SSBP2: variants seen among roughly 807,000 people sequenced by gnomAD.
The protein encoded by SSBP2 is single stranded DNA binding protein 2, also known as single-stranded DNA-binding protein 2.
SSBP2 carries 17 observed loss-of-function variants against 61.8 expected under a neutral mutation model. That is an observed-to-expected ratio of 0.28 (90% CI 0.19 to 0.41). The LOEUF is 0.41. SSBP2 is among the 10% of genes least tolerant of loss of function. The pLI is 1.00. For synonymous variants in SSBP2, 139 were observed against 141.3 expected (o/e 0.98, Z 0.12); for missense variants, 310 against 458.7 (o/e 0.68, Z 2.96).
intron 12 of SSBP2, among the ~76,000 whole-genome samples, chr5:81,445,136 T>A (rs1186840320): frequency 1.1e-3 from 12 of 10,900 alleles, no homozygotes; most frequent in Middle Eastern, 0.056. Context: ...AAAAAAAAAA[T>A]TTTATATATA....
chr5:81,702,702 G>C (rs1754078278), intron 1 of SSBP2, among the ~76,000 whole-genome samples: 1 of 152,160 alleles, frequency 6.6e-6, no homozygotes, highest in Non-Finnish European at 1.5e-5. Flanking sequence ...CCAAATGCCA[G>C]TTTAAACTGG....
chr5:81,723,955 C>T (rs567539239), intron 1 of SSBP2, among the ~76,000 whole-genome samples: 24 of 152,020 alleles, frequency 1.6e-4, no homozygotes, highest in African/African-American at 5.8e-4. Context: ...GTGCCACTTG[C>T]GCTACCACTA....
rs541247935 is a variant in SSBP2 at position 81,726,601 on chromosome 5, A to T, written c.62+24380T>A. 2.6e-5 allele frequency among the ~76,000 whole-genome samples: 4 copies of T among 152,284 alleles called. No homozygotes were observed. In the East Asian group the frequency reaches 7.7e-4, roughly 29 times the overall value. Reference sequence around the variant, plus strand: ...TCCCACAATGACACTGCTCTTAGCAACCACAGAGAAAATTAAATTCTATAT... The same window carrying T: ...TCCCACAATGACACTGCTCTTAGCATCCACAGAGAAAATTAAATTCTATAT... On this transcript the variant is annotated intron_variant, in intron 1 of 16. Coordinates refer to ENST00000320672, the MANE Select transcript of SSBP2 (RefSeq NM_012446.5).
chr5:81,617,079 G>C, intron 3 of SSBP2, among the ~76,000 whole-genome samples: 1 of 87,160 alleles, frequency 1.1e-5, no homozygotes, highest in East Asian at 3.3e-4. Context: ...TTCCTCACCA[G>C]CAACAGAACA....
intron 1 of SSBP2, among the ~76,000 whole-genome samples, chr5:81,749,043 T>G (rs1315991733): frequency 6.6e-6 from 1 of 151,978 alleles, no homozygotes; most frequent in Non-Finnish European, 1.5e-5. Flanking sequence ...TCAATACATT[T>G]CAATCACTCT....
At chr5:81,500,662 T>C (rs1767638534) in intron 5 of SSBP2, among the ~76,000 whole-genome samples, 3 of 152,056 alleles carry the variant, frequency 2.0e-5, no homozygotes, top group African/African-American at 7.2e-5. Context: ...GATTTCACCA[T>C]GTTGGCCAGG....
At chr5:81,422,461 A>C (rs1761673202) in intron 16 of SSBP2, among the ~76,000 whole-genome samples, 1 of 152,208 alleles carries the variant, frequency 6.6e-6, no homozygotes, top group South Asian at 2.1e-4. Flanking sequence ...GGCCTGGAAA[A>C]GGGTCACTGG....
chr5:81,530,464 T>C (rs1770301529), intron 4 of SSBP2, among the ~76,000 whole-genome samples: 1 of 151,952 alleles, frequency 6.6e-6, no homozygotes, highest in Admixed American at 6.6e-5. Flanking sequence ...CAAAATCAAG[T>C]TTTTTCATCA....
At chr5:81,684,875 A>G (rs1158060393) in intron 1 of SSBP2, among the ~76,000 whole-genome samples, 1 of 152,060 alleles carries the variant, frequency 6.6e-6, no homozygotes, top group Non-Finnish European at 1.5e-5. Context: ...GTATTTAGCA[A>G]TGTGAGAAGG....
chr5:81,600,130 A>C (rs1744201652), intron 4 of SSBP2, among the ~76,000 whole-genome samples: 1 of 152,202 alleles, frequency 6.6e-6, no homozygotes, highest in African/African-American at 2.4e-5. Context: ...TGTTAAATGT[A>C]ACAGAAGATG....
chr5:81,432,779 G>T (rs901118677), intron 15 of SSBP2, among the ~76,000 whole-genome samples: 64 of 123,536 alleles, frequency 5.2e-4, no homozygotes, highest in African/African-American at 2.0e-3. Context: ...CCCCCGCCCG[G>T]CCAGCTGCCC....
At chr5:81,433,085 C>T (rs1762436672) in intron 15 of SSBP2, among the ~76,000 whole-genome samples, 1 of 152,026 alleles carries the variant, frequency 6.6e-6, no homozygotes, top group Non-Finnish European at 1.5e-5. Context: ...CTCTGCCTGG[C>T]CACCACCCCG....
intron 4 of SSBP2, among the ~76,000 whole-genome samples, chr5:81,551,011 G>T (rs183652820): frequency 6.7e-6 from 1 of 149,182 alleles, no homozygotes; most frequent in African/African-American, 2.5e-5. Flanking sequence ...CAGGAGAATG[G>T]CATGAACCCG....
At chr5:81,692,932 G>A (rs1428418952) in intron 1 of SSBP2, among the ~76,000 whole-genome samples, 2 of 152,128 alleles carry the variant, frequency 1.3e-5, no homozygotes, top group Non-Finnish European at 2.9e-5. Flanking sequence ...GAGGCCAGGT[G>A]TGGTGGCTCA....
At chr5:81,549,751 G>A (rs148297539) in intron 4 of SSBP2, among the ~76,000 whole-genome samples, 250 of 152,288 alleles carry the variant, frequency 1.6e-3, no homozygotes, top group Non-Finnish European at 2.9e-3. Flanking sequence ...TGGATAAAAA[G>A]ATGTCCACAT....
chr5:81,486,437 T>A (rs1016242515), intron 6 of SSBP2, among the ~76,000 whole-genome samples: 36 of 152,220 alleles, frequency 2.4e-4, no homozygotes, highest in African/African-American at 8.4e-4. Flanking sequence ...AATAATTTTA[T>A]CACATTTTCA....
chr5:81,720,745 A>G (rs1327343415), intron 1 of SSBP2, among the ~76,000 whole-genome samples: 3 of 152,186 alleles, frequency 2.0e-5, no homozygotes, highest in African/African-American at 7.2e-5. Flanking sequence ...TAGGAATCAC[A>G]GTTTGGTTTG....
At chr5:81,715,339 G>A (rs1755104010) in intron 1 of SSBP2, among the ~76,000 whole-genome samples, 1 of 152,106 alleles carries the variant, frequency 6.6e-6, no homozygotes, top group Admixed American at 6.5e-5. Context: ...TCCAGCACAA[G>A]AAAGAAATTC....
chr5:81,725,673 A>G (rs780425140), intron 1 of SSBP2, among the ~76,000 whole-genome samples: 6 of 152,208 alleles, frequency 3.9e-5, no homozygotes, highest in Non-Finnish European at 5.9e-5. Flanking sequence ...AGCAGTTACA[A>G]GTTATGAAAC....
Sources: allele counts gnomAD v4.1 joint callset (sites outside exome capture counted in the v4.1 genomes callset), GRCh38; gene constraint gnomAD v4.1.1; transcripts MANE v1.5; gene names NCBI Gene and HGNC (gene_info 2026-07-23, HGNC 2026-07-21).